Variants in MRPL1 observed in about 807,000 individuals in gnomAD.
MRPL1 encodes large ribosomal subunit protein uL1m.
MRPL1 carries 28 observed loss-of-function variants against 38.0 expected under a neutral mutation model. The observed-to-expected ratio is 0.74, with a 90% CI of 0.55 to 1.01. MRPL1 has a LOEUF of 1.01. Ranked by LOEUF, MRPL1 falls within the 50% of genes least tolerant of loss-of-function variation. MRPL1 has a pLI of 0.00. For synonymous variants in MRPL1, 123 were observed against 126.7 expected (o/e 0.97, Z 0.20); for missense variants, 358 against 389.8 (o/e 0.92, Z 0.69).
chr4:77,950,471 C>T lies in MRPL1; in HGVS notation c.859+593C>T, dbSNP rs545129545. Among the ~76,000 whole-genome samples the T allele has an allele frequency of 3.9e-5, 6 of 152,292 alleles. No homozygotes were observed. The South Asian group carries it at 1.2e-3, about 32-fold the overall frequency. On this transcript the variant is annotated intron_variant, in intron 8 of 8. Transcript: ENST00000315567. ...AAATTCCTTCCTCAGACAAATTTCA[C>T]TTGTGGCTGCTTGAAGCCAAGCAAG...
intron 7 of MRPL1, among the ~76,000 whole-genome samples, chr4:77,919,089 TACTC>T (rs1189215811): frequency 6.6e-6 from 1 of 152,222 alleles, no homozygotes; most frequent in Non-Finnish European, 1.5e-5. Flanking sequence ...AGTTTGATGT[TACTC>T]AAGAAAGTTA....
At chr4:77,881,332 T>C (rs1735535341) in intron 2 of MRPL1, among the ~76,000 whole-genome samples, 1 of 152,188 alleles carries the variant, frequency 6.6e-6, no homozygotes, top group South Asian at 2.1e-4. Flanking sequence ...TTTTGCCCTC[T>C]TTATTTCTGA....
rs185711025 is a variant in MRPL1, at chr4:77,865,467, G to A, written c.31+2588G>A. ...GACAGGATCTCACTGTGTTGGCCAGGCTAGAGTGCAGTGGCCCGGTCACGG... is the reference window on the plus strand; with the variant it reads ...GACAGGATCTCACTGTGTTGGCCAGACTAGAGTGCAGTGGCCCGGTCACGG... On this transcript the variant is annotated intron_variant, in intron 1 of 8. Transcript: ENST00000315567. 4.3e-3 allele frequency among the ~76,000 whole-genome samples: 649 copies of A among 151,942 alleles called. 6 individuals carry two copies. The highest frequency in any genetic ancestry group is 0.012 in the Admixed American group (177 of 15,260).
intron 1 of MRPL1, among the ~76,000 whole-genome samples, chr4:77,864,967 G>A (rs909725875): frequency 1.4e-5 from 2 of 147,302 alleles, no homozygotes; most frequent in African/African-American, 5.1e-5. Context: ...CTTGGCTCAT[G>A]CAACCTCTGC....
chr4:77,874,037 C>T (rs1735340076), intron 2 of MRPL1, among the ~76,000 whole-genome samples: 1 of 146,566 alleles, frequency 6.8e-6, no homozygotes, highest in African/African-American at 2.5e-5. Flanking sequence ...CTTGCACTGT[C>T]ACCTGGGCTG....
intron 5 of MRPL1, among the ~76,000 whole-genome samples, chr4:77,889,178 G>A (rs750232091): frequency 3.6e-4 from 55 of 152,198 alleles, no homozygotes; most frequent in African/African-American, 1.3e-3. Flanking sequence ...CAGAATATGC[G>A]TTCTTCTCAG....
intron 7 of MRPL1, among the ~76,000 whole-genome samples, chr4:77,947,078 A>G (rs964437832): frequency 5.9e-5 from 9 of 152,104 alleles, no homozygotes; most frequent in African/African-American, 2.4e-5. Flanking sequence ...AAGTTATTGA[A>G]TAAAAAGGTT....
At chr4:77,895,576 A>G (rs767341496) in intron 6 of MRPL1, among the ~76,000 whole-genome samples, 4 of 152,132 alleles carry the variant, frequency 2.6e-5, no homozygotes, top group African/African-American at 4.8e-5. Flanking sequence ...ATATTTTAAA[A>G]TTGTGTTAGT....
chr4:77,908,157 G>A (rs989313067), intron 6 of MRPL1, among the ~76,000 whole-genome samples: 2 of 150,584 alleles, frequency 1.3e-5, no homozygotes, highest in Non-Finnish European at 3.0e-5. Context: ...ACTGCTAAAT[G>A]TTTCTGCTTT....
At chr4:77,885,453 G>A (rs535229432) in intron 4 of MRPL1, 114 bp downstream of exon 4, 57 of 695,686 alleles carry the variant, frequency 8.2e-5, no homozygotes, top group South Asian at 7.3e-4. Context: ...TGCAACCTCC[G>A]CCTCCCAGGT....
chr4:77,910,837 T>A (rs1184622961), intron 7 of MRPL1, among the ~76,000 whole-genome samples: 1 of 152,300 alleles, frequency 6.6e-6, no homozygotes, highest in East Asian at 1.9e-4. Context: ...TCATCAAAGC[T>A]CAGCTCCAAT....
intron 6 of MRPL1, among the ~76,000 whole-genome samples, chr4:77,896,220 G>T (rs1735909611): frequency 8.5e-6 from 1 of 117,796 alleles, no homozygotes; most frequent in African/African-American, 3.3e-5. Flanking sequence ...ACCTTTTTTA[G>T]TTTTCAAATA....
chr4:77,894,296 G>A, intron 6 of MRPL1, 46 bp downstream of exon 6: 1 of 1,212,578 alleles, frequency 8.2e-7, no homozygotes, highest in Non-Finnish European at 1.2e-6. Flanking sequence ...CAACTTTCTT[G>A]TGAACTTTGC....
intron 2 of MRPL1, among the ~76,000 whole-genome samples, chr4:77,881,359 T>A (rs1026946917): frequency 7.2e-5 from 11 of 152,170 alleles, no homozygotes; most frequent in Non-Finnish European, 5.9e-5. Context: ...TTAATGATTC[T>A]ATTCTATGCC....
chr4:77,932,766 T>TA (rs972766634), intron 7 of MRPL1, among the ~76,000 whole-genome samples: 6 of 151,898 alleles, frequency 4.0e-5, no homozygotes, highest in Non-Finnish European at 7.4e-5. Flanking sequence ...ATAATAGAAA[T>TA]AGAGTGCACA....
At chr4:77,915,103 C>A (rs1736390835) in intron 7 of MRPL1, among the ~76,000 whole-genome samples, 1 of 152,084 alleles carries the variant, frequency 6.6e-6, no homozygotes, top group Non-Finnish European at 1.5e-5. Flanking sequence ...TGTCTACTTA[C>A]CTGTACAGGA....
chr4:77,920,801 C>T (rs1361878333), intron 7 of MRPL1, among the ~76,000 whole-genome samples: 2 of 151,992 alleles, frequency 1.3e-5, no homozygotes, highest in African/African-American at 2.4e-5. Context: ...TTACTCTGTC[C>T]CCCACAATGG....
rs1182496543 is a variant in MRPL1, at chr4:77,909,745, A to G, written c.777+373A>G. ...ATGCTGAGCACATAGTAGGTGTTCA[A>G]TACTACTTTAGTGGAATTGAGTAAT... On this transcript the variant is annotated intron_variant, in intron 7 of 8. Transcript: ENST00000315567. Among the ~76,000 whole-genome samples the G allele has an allele frequency of 2.0e-5, 3 of 152,298 alleles. No individual in the cohort carries two copies. The East Asian group carries it at 5.8e-4, about 29-fold the overall frequency.
chr4:77,913,749 G>A (rs1170378272), intron 7 of MRPL1, among the ~76,000 whole-genome samples: 1 of 152,168 alleles, frequency 6.6e-6, no homozygotes, highest in African/African-American at 2.4e-5. Context: ...AATGTTCACT[G>A]CAGGTGAATA....
Sources: gnomAD v4.1 joint callset for allele counts (sites outside exome capture counted in the v4.1 genomes callset) on GRCh38, gnomAD v4.1.1 for gene constraint, MANE v1.5 for transcripts, NCBI Gene and HGNC (gene_info 2026-07-23, HGNC 2026-07-21) for gene names.